Variants in MYOM2 observed in about 807,000 individuals in gnomAD.
MYOM2 encodes the protein myomesin-2.
In MYOM2, 254 loss-of-function variants were observed where a neutral mutation model predicts 187.6. The ratio of observed to expected loss-of-function variants is 1.35; its 90% CI spans 1.22 to 1.50. MYOM2 has a LOEUF of 1.50. MYOM2 is among the 40% of genes most tolerant of loss of function. MYOM2 has a pLI of 0.00. For synonymous variants in MYOM2, 981 were observed against 753.8 expected, an observed-to-expected ratio of 1.30 and a Z score of -4.94; for missense variants, 2,796 against 1,924.0, an observed-to-expected ratio of 1.45 and a Z score of -8.48.
intron 25 of MYOM2, among the ~76,000 whole-genome samples, chr8:2,111,835 A>C (rs1269668060): frequency 6.6e-6 from 1 of 152,234 alleles, no homozygotes; most frequent in African/African-American, 2.4e-5. Context: ...TAGATGTACC[A>C]ATTTCCTGTG....
chr8:2,103,146 G>A (rs555980899), intron 21 of MYOM2, among the ~76,000 whole-genome samples: 2 of 150,778 alleles, frequency 1.3e-5, no homozygotes, highest in African/African-American at 4.9e-5. Context: ...GTGTGTAAAT[G>A]AATGGGAGAT....
chr8:2,065,592 T>G (rs1339991101), intron 6 of MYOM2, among the ~76,000 whole-genome samples: 1 of 152,156 alleles, frequency 6.6e-6, no homozygotes, highest in Non-Finnish European at 1.5e-5. Context: ...CCTCGGCAAC[T>G]ATTTTTGCCC....
chr8:2,115,973 A>T lies in MYOM2; in HGVS notation c.3194A>T (p.Lys1065Ile), dbSNP rs763172888. ...EVSDSEIHRI[K>I]CDKATGIIEM... ...TTTTGCTTGCAGATACACAGAATTAAATGTGACAAAGCTACTGGCATTATT... is the reference window on the plus strand; with the variant it reads ...TTTTGCTTGCAGATACACAGAATTATATGTGACAAAGCTACTGGCATTATT... The change falls in exon 26 of 37, where the codon AAA (lysine) becomes ATA (isoleucine). Residue 1065 changes from lysine (K) to isoleucine (I), a missense_variant. By Grantham distance (102) the Lys-to-Ile change is moderately radical. Transcript: ENST00000262113. 1 of 1,613,464 alleles carries T rather than the reference A, an allele frequency of 6.2e-7. No homozygotes were observed. The highest frequency in any genetic ancestry group is 1.1e-5 in the South Asian group (1 of 90,832).
Position 2,106,438 on chromosome 8 carries a change from A to G in MYOM2, c.2891+40A>G, listed in dbSNP as rs552227642. On this transcript the variant is annotated intron_variant, in intron 22 of 36. Coordinates refer to ENST00000262113, the MANE Select transcript of MYOM2 (RefSeq NM_003970.4). ...GAAGTTGGATACTGGAAACTTTTAG[A>G]AGTTCCTGCAAACAGAAATGATCGA... The G allele has an allele frequency of 6.2e-6, 10 of 1,610,858 alleles. No individual in the cohort carries two copies. The African/African-American group carries it at 9.3e-5, about 15-fold the overall frequency.
chr8:2,093,247 T>C (rs1371149575), intron 16 of MYOM2, among the ~76,000 whole-genome samples: 1 of 152,158 alleles, frequency 6.6e-6, no homozygotes, highest in Non-Finnish European at 1.5e-5. Context: ...GAATAACAAT[T>C]AGATGTTCTT....
rs746628181 is a variant in MYOM2, at chr8:2,116,101, G to A, written c.3322G>A (p.Asp1108Asn). Residue 1108 changes from aspartate to asparagine, a missense_variant, in exon 26 of 37, where the codon GAT (aspartate) becomes AAT (asparagine). By Grantham distance (23) the Asp-to-Asn change is conservative (BLOSUM62 1). Transcript: ENST00000262113. ...TCAGTCTTCTCTAGTTCTTATTGGA[G>A]ATGGTATGCTATATCGAATATTTCC... Reference protein sequence around the residue: ...KSQSSLVLIGDAFKTVLEEAE... With the variant: ...KSQSSLVLIGNAFKTVLEEAE... The A allele has an allele frequency of 6.2e-7, 1 of 1,601,084 alleles. No homozygotes were observed. The highest frequency in any genetic ancestry group is 1.1e-5 in the South Asian group (1 of 90,082).
At chr8:2,047,481 A>C (rs1216289010) in intron 1 of MYOM2, among the ~76,000 whole-genome samples, 1 of 152,242 alleles carries the variant, frequency 6.6e-6, no homozygotes, top group Admixed American at 6.5e-5. Context: ...TCAAATGCGC[A>C]GAAGACTTGA....
Position 2,106,548 on chromosome 8 carries a change from T to A in MYOM2, c.2949T>A (p.Ser983=). ...DKEDLGTYSV[S]VSDTDGVSSS... The stretch of plus-strand genomic sequence containing the variant: ...AGGATTTAGGGACTTACTCCGTGTC[T>A]GTAAGTGATACAGACGGAGTGTCCT... The change falls in exon 23 of 37, where the codon TCT becomes TCA. Residue 983 remains serine (S), a synonymous_variant. Coordinates refer to ENST00000262113, the MANE Select transcript of MYOM2 (RefSeq NM_003970.4). 1 of 1,612,234 alleles carries A rather than the reference T, an allele frequency of 6.2e-7. No homozygotes were observed. Among genetic ancestry groups the A allele is most frequent in the East Asian group, 2.2e-5 (1 of 44,788 alleles).
rs1797218905 is a variant in MYOM2 at position 2,115,753 on chromosome 8, C to G, written c.3181-207C>G. ...TGGTTTGGACTCTCAGATCTCCTCACACAGCCAGGCTTTGTCACTGAGTGA... is the reference window on the plus strand; with the variant it reads ...TGGTTTGGACTCTCAGATCTCCTCAGACAGCCAGGCTTTGTCACTGAGTGA... On this transcript the variant is annotated intron_variant, in intron 25 of 36. Coordinates refer to ENST00000262113, the MANE Select transcript of MYOM2 (RefSeq NM_003970.4). 3.3e-5 allele frequency among the ~76,000 whole-genome samples: 5 copies of G among 152,246 alleles called. No homozygotes were observed. The South Asian group carries it at 1.0e-3, about 32-fold the overall frequency.
At chr8:2,120,680 T>TATAA in intron 28 of MYOM2, among the ~76,000 whole-genome samples, 1 of 48,300 alleles carries the variant, frequency 2.1e-5, no homozygotes, top group Non-Finnish European at 4.1e-5. Context: ...ATATATTATA[T>TATAA]TATATATAAA....
At chr8:2,084,714 C>A (rs921682808) in intron 13 of MYOM2, among the ~76,000 whole-genome samples, 1 of 152,174 alleles carries the variant, frequency 6.6e-6, no homozygotes, top group Admixed American at 6.5e-5. Flanking sequence ...TTCAAACATG[C>A]AGACATAGAA....
chr8:2,120,308 G>A (rs1797381541), intron 28 of MYOM2, among the ~76,000 whole-genome samples: 1 of 151,996 alleles, frequency 6.6e-6, no homozygotes, highest in Admixed American at 6.5e-5. Context: ...GGAAAGTGAG[G>A]CCAGGCGGGA....
chr8:2,085,369 G>T lies in MYOM2; in HGVS notation c.1623G>T (p.Pro541=). ...CACCCACTCCCCGTGGCAAGGACCCGCTCATGTACTTCATTGAGAAGGTAA... is the reference window on the plus strand; with the variant it reads ...CACCCACTCCCCGTGGCAAGGACCCTCTCATGTACTTCATTGAGAAGGTAA... ...WEPPTPRGKD[P]LMYFIEKSVV... is the part of the protein sequence containing the mutation. The change falls in exon 14 of 37, where the codon CCG becomes CCT. Residue 541 remains proline, a synonymous_variant. Coordinates refer to ENST00000262113, the MANE Select transcript of MYOM2 (RefSeq NM_003970.4). 6.2e-7 allele frequency: 1 copy of T among 1,612,818 alleles called. No individual in the cohort carries two copies. Among genetic ancestry groups the T allele is most frequent in the Non-Finnish European group, 8.5e-7 (1 of 1,179,658 alleles).
chr8:2,062,860 T>C (rs73186715), intron 6 of MYOM2, among the ~76,000 whole-genome samples: 5,886 of 152,218 alleles, frequency 0.039, 160 homozygotes, highest in Middle Eastern at 0.068. Context: ...GATATACCTT[T>C]CTCAAGAATG....
chr8:2,048,367 G>A (rs1459518074), intron 1 of MYOM2, among the ~76,000 whole-genome samples: 1 of 152,204 alleles, frequency 6.6e-6, no homozygotes, highest in African/African-American at 2.4e-5. Flanking sequence ...AGAGTAAATG[G>A]GTTTCTGAGC....
intron 6 of MYOM2, among the ~76,000 whole-genome samples, chr8:2,062,228 G>A (rs923942725): frequency 6.6e-6 from 1 of 152,214 alleles, no homozygotes; most frequent in South Asian, 2.1e-4. Flanking sequence ...TAAGGACATT[G>A]GCTTTGCTGG....
intron 27 of MYOM2, 63 bp from the exon 28 acceptor site, chr8:2,117,822 C>G (rs1051664009): frequency 3.8e-5 from 39 of 1,037,082 alleles, no homozygotes; most frequent in South Asian, 2.3e-4. Context: ...TATATAATAG[C>G]TATATATTTA....
rs765506700 is a variant in MYOM2 at position 2,085,246 on chromosome 8, A to G, written c.1517-17A>G. On this transcript the variant is annotated splice_polypyrimidine_tract_variant and intron_variant, in intron 13 of 36. Transcript: ENST00000262113. ...ATGGGGGTCCTTCAGCACTCACCGA[A>G]TTTATTATTCCTCCAGGTGACGCCC... The G allele has an allele frequency of 9.3e-6, 15 of 1,613,082 alleles. No homozygotes were observed. Among genetic ancestry groups the G allele is most frequent in the Admixed American group, 6.7e-5 (4 of 59,922 alleles).
chr8:2,064,051 C>A (rs771878590), intron 6 of MYOM2, among the ~76,000 whole-genome samples: 55 of 152,214 alleles, frequency 3.6e-4, no homozygotes, highest in Non-Finnish European at 4.4e-5. Flanking sequence ...CCTTTGGAAA[C>A]TGCCCATGGG....
Sources: allele counts gnomAD v4.1 joint callset (sites outside exome capture counted in the v4.1 genomes callset), GRCh38; gene constraint gnomAD v4.1.1; transcripts MANE v1.5; gene names NCBI Gene and HGNC (gene_info 2026-07-23, HGNC 2026-07-21).